WTIP: variants seen among roughly 807,000 people sequenced by gnomAD.
The protein encoded by WTIP is Wilms tumor protein 1-interacting protein.
A neutral mutation model predicts 41.7 loss-of-function variants in WTIP; 23 were observed. That is an observed-to-expected ratio of 0.55 (90% confidence interval 0.40 to 0.78). The LOEUF is 0.78. Ranked by LOEUF, WTIP falls within the 30% of genes least tolerant of loss-of-function variation. The pLI is 0.00. For synonymous variants in WTIP, 314 were observed against 269.9 expected (o/e 1.16, Z -1.60); for missense variants, 619 against 610.5 (o/e 1.01, Z -0.15).
chr19:34,495,398 T>TAA (rs200680227), intron 6 of WTIP, among the ~76,000 whole-genome samples: 1 of 144,864 alleles, frequency 6.9e-6, no homozygotes, highest in Admixed American at 6.9e-5. Context: ...CCCTGTCTCT[T>TAA]AAAAAAAAAA....
chr19:34,494,515 G>A, intron 5 of WTIP, 71 bp from the exon 6 acceptor site: 1 of 1,496,126 alleles, frequency 6.7e-7, no homozygotes, highest in Non-Finnish European at 9.2e-7. Context: ...GTTCCTGTGG[G>A]TGCCCCTGTG....
rs1409395836 is a variant in WTIP at position 34,493,554 on chromosome 19, G to A, written c.963G>A (p.Glu321=). 1.9e-6 allele frequency: 3 copies of A among 1,613,734 alleles called. No homozygotes were observed. The highest frequency in any genetic ancestry group is 1.7e-6 in the Non-Finnish European group (2 of 1,179,886). ...PGCFRCSVCN[E]CLDGVPFTVD... is the part of the protein sequence containing the mutation. The stretch of plus-strand genomic sequence containing the variant: ...GCTTCCGGTGCTCCGTGTGCAATGA[G>A]TGCCTGGACGGGGTTCCCTTCACCG... Residue 321 remains glutamate, a synonymous_variant, in exon 5 of 8, where the codon GAG becomes GAA. Transcript: ENST00000590071. The surrounding 1 kb of genome is among the most constrained non-coding windows in gnomAD (Gnocchi z 4.1).
intron 1 of WTIP, among the ~76,000 whole-genome samples, chr19:34,489,086 C>G (rs557898119): frequency 5.2e-4 from 79 of 150,844 alleles, no homozygotes; most frequent in Non-Finnish European, 7.7e-4. Flanking sequence ...GTAATCCCAG[C>G]TACTCGGGAG....
At position 34,510,496 on chromosome 19, in the gene WTIP, C is replaced by T. The variant is rs1024673837; in HGVS notation, c.*10227C>T. The T allele has an allele frequency of 3.3e-5, 5 of 152,226 alleles. No homozygotes were observed. Among genetic ancestry groups the T allele is most frequent in the Non-Finnish European group, 7.3e-5 (5 of 68,058 alleles). 9.4% of individuals were successfully genotyped at this position (152,226 alleles called of 1,614,324 possible). On this transcript the variant is annotated 3_prime_UTR_variant, in exon 8 of 8. Transcript: ENST00000590071. ...AAAACCATTTTTTGCTCCTAGGCTTCTGGGTCTGTGATGGGAAGACCAATG... is the reference window on the plus strand; with the variant it reads ...AAAACCATTTTTTGCTCCTAGGCTTTTGGGTCTGTGATGGGAAGACCAATG...
chr19:34,491,142 G>C (rs937988315), intron 2 of WTIP, among the ~76,000 whole-genome samples: 1 of 151,430 alleles, frequency 6.6e-6, no homozygotes, highest in Admixed American at 6.6e-5. Flanking sequence ...ATTTATTTTT[G>C]ATCATAATTT....
rs2075837200 is a variant in WTIP, at chr19:34,493,547, G to A, written c.956G>A (p.Cys319Tyr). ...CCAGGCTGCTTCCGGTGCTCCGTGT[G>A]CAATGAGTGCCTGGACGGGGTTCCC... ...YHPGCFRCSV[C>Y]NECLDGVPFT... Residue 319 changes from cysteine to tyrosine, a missense_variant, in exon 5 of 8, where the codon TGC (cysteine) becomes TAC (tyrosine). This residue lies in a region of WTIP where 164 missense variants were observed against 219.1 expected (regional missense o/e 0.75). Coordinates refer to ENST00000590071, the MANE Select transcript of WTIP (RefSeq NM_001080436.2). The surrounding 1 kb of genome is among the most constrained non-coding windows in gnomAD (Gnocchi z 4.1). 1.2e-6 allele frequency: 2 copies of A among 1,613,738 alleles called. No individual in the cohort carries two copies. Among genetic ancestry groups the A allele is most frequent in the East Asian group, 4.5e-5 (2 of 44,872 alleles).
chr19:34,497,866 C>T (rs888444060), intron 7 of WTIP, among the ~76,000 whole-genome samples: 1 of 152,314 alleles, frequency 6.6e-6, no homozygotes, highest in East Asian at 1.9e-4. Context: ...CTTGCTGGGC[C>T]GTCCTGTGGA....
rs779825948 is a variant in WTIP, at chr19:34,490,363, T to C, written c.668-13T>C. The C allele has an allele frequency of 1.2e-6, 2 of 1,613,354 alleles. No individual in the cohort carries two copies. The highest frequency in any genetic ancestry group is 2.7e-5 in the African/African-American group (2 of 74,890). ...GCGCTAACCCCTGCTCTCTCCTGCCTCTCCTCTCCTAGGCATTTGCATCAA... is the reference window on the plus strand; with the variant it reads ...GCGCTAACCCCTGCTCTCTCCTGCCCCTCCTCTCCTAGGCATTTGCATCAA... On this transcript the variant is annotated splice_polypyrimidine_tract_variant and intron_variant, in intron 1 of 7. Transcript: ENST00000590071.
At position 34,486,057 on chromosome 19, in the gene WTIP, C is replaced by T. The variant is rs183344738; in HGVS notation, c.667+3416C>T. Among the ~76,000 whole-genome samples the T allele has an allele frequency of 1.2e-4, 18 of 152,286 alleles. No homozygotes were observed. In the East Asian group the frequency reaches 3.1e-3, roughly 26 times the overall value. ...TAGCCAGCCAACAGCCTTGGGCTTC[C>T]GGAACCTTTTCAACTTTGGTGACCT... On this transcript the variant is annotated intron_variant, in intron 1 of 7. Transcript: ENST00000590071.
intron 2 of WTIP, 71 bp downstream of exon 2, chr19:34,490,548 G>C: frequency 1.4e-6 from 2 of 1,467,452 alleles, no homozygotes. Flanking sequence ...CCCTCAAACT[G>C]CCTTGCCCCT....
At chr19:34,484,116 G>A (rs527347940) in intron 1 of WTIP, among the ~76,000 whole-genome samples, 316 of 151,850 alleles carry the variant, frequency 2.1e-3, no homozygotes, top group Non-Finnish European at 3.7e-3. Flanking sequence ...TAGTAGAGGC[G>A]GGGTTTCACC....
chr19:34,511,857 A>C lies in WTIP; in HGVS notation c.*11588A>C, dbSNP rs991673150. ...TACTAGTTTGGGATTGAATATTCTT[A>C]CACATTTATTTGGTGAAGAACTTTT... On this transcript the variant is annotated 3_prime_UTR_variant, in exon 8 of 8. Transcript: ENST00000590071. 3 of 152,192 alleles carry C rather than the reference A, an allele frequency of 2.0e-5. No individual in the cohort carries two copies. The highest frequency in any genetic ancestry group is 1.3e-4 in the Admixed American group (2 of 15,284). The allele number at this position is 152,192 out of a possible 1,614,324, so 9.4% of individuals were successfully genotyped here.
chr19:34,500,153 G>T lies in WTIP; in HGVS notation c.1177G>T (p.Glu393Ter). ...CEDCGLQLSG[E>*]EGRRCYPLAG... ...GGACTGCGGGCTGCAGCTGAGCGGGGAGGAGGGACGCCGTTGCTATCCCCT... is the reference window on the plus strand; with the variant it reads ...GGACTGCGGGCTGCAGCTGAGCGGGTAGGAGGGACGCCGTTGCTATCCCCT... The change falls in exon 8 of 8, where the codon GAG becomes TAG. Residue 393 changes from glutamate to a stop codon, truncating the protein, a stop_gained. Coordinates refer to ENST00000590071, the MANE Select transcript of WTIP (RefSeq NM_001080436.2). LOFTEE classifies it high-confidence loss of function. The T allele has an allele frequency of 1.2e-6, 2 of 1,601,010 alleles. No individual in the cohort carries two copies. Among genetic ancestry groups the T allele is most frequent in the Non-Finnish European group, 1.7e-6 (2 of 1,179,776 alleles).
chr19:34,482,836 AT>A, intron 1 of WTIP, 195 bp downstream of exon 1: 1 of 968,968 alleles, frequency 1.0e-6, no homozygotes, highest in Non-Finnish European at 1.2e-6. Context: ...GTGCGCCTGG[AT>A]CCCCAGCAGC....
chr19:34,499,905 G>A (rs2075875211), intron 7 of WTIP, among the ~76,000 whole-genome samples: 1 of 152,004 alleles, frequency 6.6e-6, no homozygotes, highest in South Asian at 2.1e-4. Context: ...CACCATGTTG[G>A]CTGGGCTGGT....
chr19:34,485,562 G>A (rs10445600), intron 1 of WTIP, among the ~76,000 whole-genome samples: 100,916 of 151,828 alleles, frequency 0.66, 36,761 homozygotes, highest in Non-Finnish European at 0.82. Flanking sequence ...GATAAACCTC[G>A]TCCTCAGAGT....
chr19:34,484,301 A>C (rs2075786453), intron 1 of WTIP, among the ~76,000 whole-genome samples: 2 of 152,000 alleles, frequency 1.3e-5, no homozygotes, highest in Admixed American at 1.3e-4. Flanking sequence ...GGGAAGAATG[A>C]GCAGAGGAGG....
chr19:34,483,785 A>C (rs2075783093), intron 1 of WTIP, among the ~76,000 whole-genome samples: 1 of 152,066 alleles, frequency 6.6e-6, no homozygotes, highest in Admixed American at 6.6e-5. Context: ...AGAACTTCCC[A>C]ACCCGCCTTC....
In WTIP at chr19:34,482,487, C is replaced by T. The variant is rs1479998953; in HGVS notation, c.513C>T (p.Ser171=). The T allele has an allele frequency of 4.0e-6, 5 of 1,243,808 alleles. No individual in the cohort carries two copies. The highest frequency in any genetic ancestry group is 4.4e-5 in the Admixed American group (1 of 22,908). The allele number at this position is 1,243,808 out of a possible 1,614,324, so 77.0% of individuals were successfully genotyped here. A position where few individuals can be genotyped will look rare whatever the true frequency, so the allele number is the denominator to read the frequency against. Residue 171 remains serine, a synonymous_variant, in exon 1 of 8, where the codon TCC becomes TCT. Transcript: ENST00000590071. The part of the protein sequence containing the change: ...PPGACPAPAR[S]PEPAGPAPFP... ...GCGCCTGCCCCGCGCCCGCTCGCTC[C>T]CCGGAGCCTGCGGGGCCGGCTCCCT...
Sources: allele counts gnomAD v4.1 joint callset (sites outside exome capture counted in the v4.1 genomes callset), GRCh38; gene constraint gnomAD v4.1.1; regional missense constraint gnomAD v4.1.1; non-coding constraint Gnocchi (gnomAD v3.1); transcripts MANE v1.5; gene names NCBI Gene and HGNC (gene_info 2026-07-23, HGNC 2026-07-21).